The following VPS13D variants were observed in gnomAD, a reference collection of about 807,000 sequenced individuals.
The protein encoded by VPS13D is vacuolar protein sorting 13 homolog D.
A neutral mutation model predicts 461.9 loss-of-function variants in VPS13D; 187 were observed. The observed-to-expected ratio is 0.40, with a 90% confidence interval of 0.36 to 0.46. The LOEUF is 0.46. Among genes scored for constraint, VPS13D ranks in the 20% least tolerant of loss-of-function variants. The probability of loss-of-function intolerance (pLI) is 0.60; values close to 1 mark genes in which losing one functional copy is unlikely to be tolerated. For missense variants in VPS13D, 4,711 were observed against 5,364.9 expected, an observed-to-expected ratio of 0.88 and a Z score of 3.81; for synonymous variants, 1,951 against 1,986.3, an observed-to-expected ratio of 0.98 and a Z score of 0.47.
intron 28 of VPS13D, 81 bp from the exon 29 acceptor site, chr1:12,311,732 C>G: frequency 6.3e-7 from 1 of 1,580,158 alleles, no homozygotes; most frequent in Non-Finnish European, 8.6e-7. Context: ...GAGCAACAAG[C>G]AAATTAGATT....
At chr1:12,245,005 T>G (rs1640501707) in intron 5 of VPS13D, among the ~76,000 whole-genome samples, 1 of 152,234 alleles carries the variant, frequency 6.6e-6, no homozygotes, top group Non-Finnish European at 1.5e-5. Context: ...GGTCTCAGTT[T>G]CTTCATCTGT....
rs1191098274 is a variant in VPS13D, at chr1:12,345,589, A to G, written c.9021+80A>G. The G allele has an allele frequency of 2.8e-5, 42 of 1,507,394 alleles. No homozygotes were observed. The Admixed American group carries it at 7.9e-4, about 28-fold the overall frequency. The allele number at this position is 1,507,394 out of a possible 1,614,324, so 93.4% of individuals were successfully genotyped here. A position where few individuals can be genotyped will look rare whatever the true frequency, so the allele number is the denominator to read the frequency against. On this transcript the variant is annotated intron_variant, in intron 43 of 69. Coordinates refer to ENST00000620676, the MANE Select transcript of VPS13D (RefSeq NM_015378.4). ...TTAAGCCTGTAATAAGCTTACTCTA[A>G]TGAAACTTTCTTGTTCTTTCTTTCC...
At chr1:12,259,739 C>G (rs1030713855) in intron 10 of VPS13D, among the ~76,000 whole-genome samples, 19 of 152,296 alleles carry the variant, frequency 1.2e-4, no homozygotes, top group Admixed American at 1.2e-3. Flanking sequence ...TTCAGGACAG[C>G]TAATTCCGCT....
intron 25 of VPS13D, among the ~76,000 whole-genome samples, chr1:12,301,470 C>T (rs1017986749): frequency 3.9e-5 from 6 of 152,176 alleles, no homozygotes; most frequent in African/African-American, 1.4e-4. Flanking sequence ...ATAAAGGATA[C>T]AGCCAGATGA....
At chr1:12,439,795 C>T (rs1645107161) in intron 65 of VPS13D, among the ~76,000 whole-genome samples, 1 of 152,258 alleles carries the variant, frequency 6.6e-6, no homozygotes, top group African/African-American at 2.4e-5. Flanking sequence ...GCATTATCTC[C>T]ATTTATAGAT....
At chr1:12,244,155 T>G (rs1040924772) in intron 3 of VPS13D, 91 bp from the exon 4 acceptor site, 1 of 1,348,412 alleles carries the variant, frequency 7.4e-7, no homozygotes. Flanking sequence ...CAGCAATCCA[T>G]GCTCCTTAAA....
In VPS13D at chr1:12,511,162, G is replaced by C. The variant is rs1646176853; in HGVS notation, c.*2138G>C. 1.3e-5 allele frequency: 2 copies of C among 152,186 alleles called. No individual in the cohort carries two copies. The highest frequency in any genetic ancestry group is 2.9e-5 in the Non-Finnish European group (2 of 68,052). 9.4% of individuals were successfully genotyped at this position (152,186 alleles called of 1,614,324 possible). On this transcript the variant is annotated 3_prime_UTR_variant, in exon 70 of 70. Transcript: ENST00000620676. The surrounding 1 kb of genome is among the most constrained non-coding windows in gnomAD (Gnocchi z 4.5). ...AGAGAAGTGTTCAGATGCCCCCCTTGGGCTCCTTTCTAATTTTAATCAGCT... is the reference window on the plus strand; with the variant it reads ...AGAGAAGTGTTCAGATGCCCCCCTTCGGCTCCTTTCTAATTTTAATCAGCT...
chr1:12,376,320 T>C (rs989607551), intron 55 of VPS13D, among the ~76,000 whole-genome samples: 1 of 152,242 alleles, frequency 6.6e-6, no homozygotes, highest in African/African-American at 2.4e-5. Flanking sequence ...CTTAAAGATA[T>C]ATAGTATCTG....
chr1:12,271,136 T>C lies in VPS13D; in HGVS notation c.2103+12T>C, dbSNP rs748800099. The C allele has an allele frequency of 2.5e-6, 4 of 1,613,938 alleles. No individual in the cohort carries two copies. Among genetic ancestry groups the C allele is most frequent in the Non-Finnish European group, 3.4e-6 (4 of 1,179,890 alleles). ...TGGGTGATTTCATTGTAAGTGGGCA[T>C]CCATAAACACTCTTTGGGGATTGGG... is the stretch of plus-strand genomic sequence containing the variant. On this transcript the variant is annotated intron_variant, in intron 17 of 69. Coordinates refer to ENST00000620676, the MANE Select transcript of VPS13D (RefSeq NM_015378.4).
intron 68 of VPS13D, among the ~76,000 whole-genome samples, chr1:12,501,860 G>A (rs1299935738): frequency 6.6e-6 from 1 of 152,232 alleles, no homozygotes; most frequent in Admixed American, 6.5e-5. Flanking sequence ...TGGATGAGTC[G>A]CCTGACCTTG....
At chr1:12,478,827 C>G (rs543561444) in intron 67 of VPS13D, 45 of 456,074 alleles carry the variant, frequency 9.9e-5, no homozygotes, top group African/African-American at 7.8e-4. Flanking sequence ...AGGGCTGACA[C>G]CACAGGAAAC....
chr1:12,237,946 A>G (rs1260114744), intron 2 of VPS13D, among the ~76,000 whole-genome samples: 1 of 152,142 alleles, frequency 6.6e-6, no homozygotes, highest in Non-Finnish European at 1.5e-5. Flanking sequence ...ACTTGAAGCC[A>G]GGAGTTCGAG....
chr1:12,276,536 C>G lies in VPS13D; in HGVS notation c.2948C>G (p.Thr983Ser), dbSNP rs752914276. ...RYISVLKVFG[T>S]NAHFVKRPYD... ...ATTTCTGTGCTCAAGGTGTTTGGTA[C>G]CAATGCTCACTTTGTGAAGAGGCCT... The change falls in exon 19 of 70, where the codon ACC becomes AGC. Residue 983 changes from threonine (T) to serine (S), a missense_variant. Thr to Ser is a moderately conservative substitution (Grantham distance 58). This residue lies in a region of VPS13D where 4,411 missense variants were observed against 4,937.8 expected (regional missense o/e 0.89). Coordinates refer to ENST00000620676, the MANE Select transcript of VPS13D (RefSeq NM_015378.4). The surrounding 1 kb of genome is among the most constrained non-coding windows in gnomAD (Gnocchi z 4.5). 1 of 1,614,122 alleles carries G rather than the reference C, an allele frequency of 6.2e-7. No individual in the cohort carries two copies. Among genetic ancestry groups the G allele is most frequent in the East Asian group, 2.2e-5 (1 of 44,884 alleles).
Position 12,495,174 on chromosome 1 carries a change from G to A in VPS13D, c.12663-2326G>A, listed in dbSNP as rs1221524264. Among the ~76,000 whole-genome samples the A allele has an allele frequency of 2.1e-5, 3 of 143,764 alleles. No individual in the cohort carries two copies. Among genetic ancestry groups the A allele is most frequent in the East Asian group, 2.0e-4 (1 of 4,946 alleles). 94.3% of individuals were successfully genotyped at this position (143,764 alleles called of 152,430 possible). A position where few individuals can be genotyped will look rare whatever the true frequency, so the allele number is the denominator to read the frequency against. ...CTTTTTTTTTTTTTTTTTTGAGACA[G>A]AGTCTTGCTCTGTCGCCCAGGCTGG... On this transcript the variant is annotated intron_variant, in intron 67 of 69. Coordinates refer to ENST00000620676, the MANE Select transcript of VPS13D (RefSeq NM_015378.4). The surrounding 1 kb of genome is among the most constrained non-coding windows in gnomAD (Gnocchi z 4.0).
chr1:12,478,724 A>AGTCT (rs1403778929), intron 67 of VPS13D: 1 of 451,224 alleles, frequency 2.2e-6, no homozygotes, highest in Non-Finnish European at 4.5e-6. Flanking sequence ...GAAGCAAAGC[A>AGTCT]GTCTGCCTCC....
Position 12,479,886 on chromosome 1 carries a change from T to G in VPS13D, c.12663-17614T>G, listed in dbSNP as rs143769856. 2.4e-3 allele frequency among the ~76,000 whole-genome samples: 369 copies of G among 152,290 alleles called. 2 individuals are homozygous for G. Among genetic ancestry groups the G allele is most frequent in the Non-Finnish European group, 1.7e-3 (118 of 68,014 alleles). ...TAAAATTTGGACCCCACAATGCGAA[T>G]GAAGGGTATGTATTGAATTCCCTCA... On this transcript the variant is annotated intron_variant, in intron 67 of 69. Transcript: ENST00000620676.
rs750308811 is a variant in VPS13D at position 12,369,734 on chromosome 1, A to T, written c.10808+32A>T. Reference sequence around the variant, plus strand: ...CTTGATTAAATTACTGTTCCTATAAAGCAGAAGGTTCTAATTATTAACAGG... The same window carrying T: ...CTTGATTAAATTACTGTTCCTATAATGCAGAAGGTTCTAATTATTAACAGG... On this transcript the variant is annotated intron_variant, in intron 54 of 69. Transcript: ENST00000620676. 3.1e-6 allele frequency: 5 copies of T among 1,592,854 alleles called. No individual in the cohort carries two copies. The South Asian group carries it at 5.6e-5, about 18-fold the overall frequency.
In VPS13D at chr1:12,314,282, A is replaced by T; in HGVS notation, c.7103A>T (p.Asn2368Ile). The T allele has an allele frequency of 6.2e-7, 1 of 1,614,188 alleles. No homozygotes were observed. Among genetic ancestry groups the T allele is most frequent in the Non-Finnish European group, 8.5e-7 (1 of 1,180,024 alleles). ...AGCTGTATCTTTCAGCCCGCTAAGA[A>T]CAGCAGCACCACCCAAGGGTCCATT... ...VFSCIFQPAK[N>I]SSTTQGSIQI... Residue 2368 changes from asparagine to isoleucine, a missense_variant, in exon 30 of 70, where the codon AAC (asparagine) becomes ATC (isoleucine). Asn to Ile is a moderately radical substitution (Grantham distance 149). This residue lies in a region of VPS13D where 4,411 missense variants were observed against 4,937.8 expected (regional missense o/e 0.89). Coordinates refer to ENST00000620676, the MANE Select transcript of VPS13D (RefSeq NM_015378.4).
intron 67 of VPS13D, among the ~76,000 whole-genome samples, chr1:12,472,987 A>G (rs1645582058): frequency 6.6e-6 from 1 of 152,118 alleles, no homozygotes; most frequent in African/African-American, 2.4e-5. Flanking sequence ...TTAATCTCTC[A>G]TTCTGTGTGT....
Sources: allele counts gnomAD v4.1 joint callset (sites outside exome capture counted in the v4.1 genomes callset), GRCh38; gene constraint gnomAD v4.1.1; regional missense constraint gnomAD v4.1.1; non-coding constraint Gnocchi (gnomAD v3.1); transcripts MANE v1.5; gene names NCBI Gene and HGNC (gene_info 2026-07-23, HGNC 2026-07-21).